The following ATRNL1 variants were observed in gnomAD, a reference collection of about 807,000 sequenced individuals.
ATRNL1 encodes the protein attractin like 1, also known as attractin-like protein 1.
Under a neutral mutation model 182.7 loss-of-function variants are expected in ATRNL1, and 95 were observed. That is an observed-to-expected ratio of 0.52 (90% confidence interval 0.44 to 0.62). The LOEUF (loss-of-function observed/expected upper bound fraction) is 0.62. Among genes scored for constraint, ATRNL1 ranks in the 20% least tolerant of loss-of-function variants. The pLI is 0.00. For synonymous variants in ATRNL1, 576 were observed against 568.3 expected, an observed-to-expected ratio of 1.01 and a Z score of -0.19; for missense variants, 1,471 against 1,679.5, an observed-to-expected ratio of 0.88 and a Z score of 2.17.
intron 26 of ATRNL1, among the ~76,000 whole-genome samples, chr10:115,598,793 T>G (rs1269955694): frequency 1.3e-5 from 2 of 152,152 alleles, no homozygotes; most frequent in Non-Finnish European, 2.9e-5. Flanking sequence ...TTCTCATACC[T>G]GATTCCCATA....
At chr10:115,431,291 G>A (rs782114693) in intron 21 of ATRNL1, among the ~76,000 whole-genome samples, 2 of 151,790 alleles carry the variant, frequency 1.3e-5, no homozygotes, top group Non-Finnish European at 2.9e-5. Context: ...TGTAATCCCA[G>A]CTATGTGGGA....
intron 21 of ATRNL1, among the ~76,000 whole-genome samples, chr10:115,439,495 T>A (rs1379594766): frequency 1.3e-5 from 2 of 151,974 alleles, no homozygotes; most frequent in African/African-American, 4.8e-5. Context: ...TACTAATTTT[T>A]CTACCTAGAG....
chr10:115,583,015 T>A (rs1393551570), intron 26 of ATRNL1, among the ~76,000 whole-genome samples: 1 of 145,008 alleles, frequency 6.9e-6, no homozygotes, highest in Non-Finnish European at 1.5e-5. Context: ...CCTTTCCCCA[T>A]TGCTCGTTTT....
chr10:115,571,630 A>C (rs1275386164), intron 26 of ATRNL1, among the ~76,000 whole-genome samples: 1 of 152,104 alleles, frequency 6.6e-6, no homozygotes, highest in Non-Finnish European at 1.5e-5. Flanking sequence ...TTTTGCTATA[A>C]CTATTTTGCT....
At chr10:115,389,546 A>ATATATATATATGTATG (rs1478638383) in intron 19 of ATRNL1, among the ~76,000 whole-genome samples, 2 of 16,398 alleles carry the variant, frequency 1.2e-4, no homozygotes, top group Non-Finnish European at 2.6e-4. Flanking sequence ...ATGTGTATAT[A>ATATATATATATGTATG]TATATATATA....
intron 26 of ATRNL1, among the ~76,000 whole-genome samples, chr10:115,702,609 A>C (rs1946773336): frequency 6.6e-6 from 1 of 152,168 alleles, no homozygotes; most frequent in East Asian, 1.9e-4. Context: ...ATACAAAATC[A>C]ATGTACACAA....
chr10:115,443,152 G>A (rs1554966056), intron 21 of ATRNL1, among the ~76,000 whole-genome samples: 1 of 151,914 alleles, frequency 6.6e-6, no homozygotes, highest in African/African-American at 2.4e-5. Context: ...TAAAAGAAAA[G>A]CTATTGATGA....
At chr10:115,347,885 A>G (rs1400257391) in intron 19 of ATRNL1, among the ~76,000 whole-genome samples, 1 of 152,182 alleles carries the variant, frequency 6.6e-6, no homozygotes, top group African/African-American at 2.4e-5. Context: ...AAAATATAAC[A>G]ATGTTAAATG....
At chr10:115,312,392 T>C (rs1290284987) in intron 17 of ATRNL1, among the ~76,000 whole-genome samples, 2 of 152,292 alleles carry the variant, frequency 1.3e-5, no homozygotes, top group Middle Eastern at 3.4e-3. Context: ...ACAAAATTAT[T>C]GGCTGGCAGT....
At chr10:115,571,800 A>T (rs1414891724) in intron 26 of ATRNL1, among the ~76,000 whole-genome samples, 1 of 151,978 alleles carries the variant, frequency 6.6e-6, no homozygotes, top group Admixed American at 6.5e-5. Flanking sequence ...TAATAAACTA[A>T]TATTTCTATT....
intron 20 of ATRNL1, among the ~76,000 whole-genome samples, chr10:115,408,485 T>C (rs1844970617): frequency 6.6e-6 from 1 of 152,230 alleles, no homozygotes; most frequent in African/African-American, 2.4e-5. Context: ...TAATATCCTG[T>C]CAGATGAATA....
chr10:115,632,444 A>G (rs1266029247), intron 26 of ATRNL1, among the ~76,000 whole-genome samples: 1 of 152,196 alleles, frequency 6.6e-6, no homozygotes, highest in African/African-American at 2.4e-5. Flanking sequence ...TGTTATATTA[A>G]CAGTAATAAT....
At chr10:115,580,372 T>A (rs1184538241) in intron 26 of ATRNL1, among the ~76,000 whole-genome samples, 1 of 152,104 alleles carries the variant, frequency 6.6e-6, no homozygotes, top group Non-Finnish European at 1.5e-5. Context: ...GTTTGCTGGG[T>A]ATAGATGGCA....
At chr10:115,600,564 T>A (rs1355230114) in intron 26 of ATRNL1, among the ~76,000 whole-genome samples, 1 of 152,266 alleles carries the variant, frequency 6.6e-6, no homozygotes, top group Non-Finnish European at 1.5e-5. Context: ...TGCTCATTTT[T>A]AAAATTGACA....
chr10:115,906,616 A>G (rs1234404776), intron 28 of ATRNL1, among the ~76,000 whole-genome samples: 2 of 152,198 alleles, frequency 1.3e-5, no homozygotes, highest in African/African-American at 4.8e-5. Context: ...TCATTAAACA[A>G]TTTTAACTGT....
intron 5 of ATRNL1, among the ~76,000 whole-genome samples, chr10:115,155,864 T>C (rs1846488905): frequency 6.6e-6 from 1 of 152,236 alleles, no homozygotes; most frequent in South Asian, 2.1e-4. Context: ...ATTGCAGTAG[T>C]CCAGTTGAGA....
chr10:115,572,851 G>A (rs894554650), intron 26 of ATRNL1, among the ~76,000 whole-genome samples: 9 of 152,206 alleles, frequency 5.9e-5, no homozygotes, highest in African/African-American at 2.2e-4. Flanking sequence ...TGATTGGGGT[G>A]TGGCTTGCCT....
intron 28 of ATRNL1, among the ~76,000 whole-genome samples, chr10:115,870,326 A>T (rs1287941013): frequency 6.6e-6 from 1 of 152,252 alleles, no homozygotes; most frequent in Non-Finnish European, 1.5e-5. Context: ...GCCTTTGGCA[A>T]ACCAGAAGCC....
intron 24 of ATRNL1, among the ~76,000 whole-genome samples, chr10:115,508,555 A>T (rs1172160872): frequency 6.6e-6 from 1 of 152,056 alleles, no homozygotes; most frequent in Non-Finnish European, 1.5e-5. Context: ...ACTTTAGTGA[A>T]CACACAAATC....
Sources: allele counts gnomAD v4.1 joint callset (sites outside exome capture counted in the v4.1 genomes callset), GRCh38; gene constraint gnomAD v4.1.1; transcripts MANE v1.5; gene names NCBI Gene and HGNC (gene_info 2026-07-23, HGNC 2026-07-21).